The following SAMSN1 variants were observed in gnomAD, a reference collection of about 807,000 sequenced individuals.
SAMSN1 encodes the protein SAM domain-containing protein SAMSN-1.
SAMSN1 carries 31 observed loss-of-function variants against 42.0 expected under a neutral mutation model. The observed-to-expected ratio is 0.74, with a 90% confidence interval of 0.55 to 1.00. The LOEUF is 1.00. SAMSN1 is among the 50% of genes least tolerant of loss of function. The pLI is 0.00. For synonymous variants in SAMSN1, 178 were observed against 151.9 expected (o/e 1.17, Z -1.26); for missense variants, 464 against 439.4 (o/e 1.06, Z -0.50).
chr21:14,623,569 GAACT>G (rs1983076405), intron 2 of SAMSN1, among the ~76,000 whole-genome samples: 3 of 152,268 alleles, frequency 2.0e-5, no homozygotes, highest in East Asian at 1.9e-4. Flanking sequence ...TCAACAAGAA[GAACT>G]AACTATCCTA....
At chr21:14,559,907 A>G (rs2123195684) in intron 2 of SAMSN1, among the ~76,000 whole-genome samples, 1 of 152,290 alleles carries the variant, frequency 6.6e-6, no homozygotes, top group East Asian at 1.9e-4. Flanking sequence ...CATTCTTGTT[A>G]TGCTGCAAGA....
intron 1 of SAMSN1, among the ~76,000 whole-genome samples, chr21:14,540,267 G>A (rs1367492792): frequency 6.6e-6 from 1 of 152,148 alleles, no homozygotes; most frequent in East Asian, 1.9e-4. Context: ...AAAAGCAATG[G>A]CAACAAAAGC....
intron 3 of SAMSN1, among the ~76,000 whole-genome samples, chr21:14,516,494 C>T (rs553746812): frequency 1.0e-3 from 156 of 152,208 alleles, no homozygotes; most frequent in Non-Finnish European, 1.8e-3. Flanking sequence ...CGGGTTCAAG[C>T]GATTCTCCTT....
intron 7 of SAMSN1, among the ~76,000 whole-genome samples, chr21:14,489,865 T>A (rs1986607838): frequency 6.6e-6 from 1 of 152,126 alleles, no homozygotes; most frequent in South Asian, 2.1e-4. Context: ...AGACGTCTAA[T>A]ATAATTATTC....
At position 14,615,242 on chromosome 21, in the gene SAMSN1, T is replaced by C. The variant is rs376692240; in HGVS notation, c.197+734A>G. The stretch of plus-strand genomic sequence containing the variant: ...GCCTGACAGGTCCCTAAGCTGTTAA[T>C]CACCCAATTACCTACTTACTATGGA... On this transcript the variant is annotated intron_variant, in intron 3 of 15. Coordinates refer to the SAMSN1 transcript ENST00000647101. Among the ~76,000 whole-genome samples, 6 of 152,048 alleles carry C rather than the reference T, an allele frequency of 3.9e-5. No homozygotes were observed. In the South Asian group the frequency reaches 1.2e-3, roughly 32 times the overall value.
intron 2 of SAMSN1, among the ~76,000 whole-genome samples, chr21:14,616,225 T>A (rs1403815624): frequency 5.3e-5 from 8 of 152,148 alleles, no homozygotes; most frequent in African/African-American, 1.9e-4. Context: ...TTAACTTTTT[T>A]TTCCCTTTTG....
Position 14,516,969 on chromosome 21 carries a change from T to TA in SAMSN1, c.201dup (p.Lys68Ter). On this transcript the variant is annotated frameshift_variant, in exon 3 of 8. Transcript: ENST00000400566. LOFTEE classifies it high-confidence loss of function. ...GTCCATGAAATAGCTCTCATTTTTT[T>TA]ACCCAAACCGCCTCCATTATTTGAA... The TA allele has an allele frequency of 6.2e-7, 1 of 1,613,618 alleles. No homozygotes were observed. Among genetic ancestry groups the TA allele is most frequent in the South Asian group, 1.1e-5 (1 of 91,008 alleles).
chr21:14,485,850 G>A lies in SAMSN1; in HGVS notation c.*62C>T, dbSNP rs28470776. 2,922 of 1,271,592 alleles carry A rather than the reference G, an allele frequency of 2.3e-3. 49 individuals are homozygous for A. In the African/African-American group the frequency reaches 0.039, roughly 17 times the overall value. 78.8% of individuals were successfully genotyped at this position (1,271,592 alleles called of 1,614,324 possible). A position where few individuals can be genotyped will look rare whatever the true frequency, so the allele number is the denominator to read the frequency against. ...ATCTTATCTTCCTCTCCTATTTGAC[G>A]TTTTAGCTCAAGAAGAGTTAAAATG... On this transcript the variant is annotated 3_prime_UTR_variant, in exon 8 of 8. Coordinates refer to ENST00000400566, the MANE Select transcript of SAMSN1 (RefSeq NM_022136.5).
Position 14,604,425 on chromosome 21 carries a change from G to A in SAMSN1, c.323-2326C>T, listed in dbSNP as rs1600958347. Among the ~76,000 whole-genome samples, 5 of 152,250 alleles carry A rather than the reference G, an allele frequency of 3.3e-5. No homozygotes were observed. In the South Asian group the frequency reaches 6.2e-4, roughly 19 times the overall value. ...TGACTTCCAAGGTTAGGTTAAAGAA[G>A]CCTTGTATAAGCCGGGGGCAGTGGA... On this transcript the variant is annotated intron_variant, in intron 5 of 15. Transcript: ENST00000647101.
At chr21:14,657,457 G>A (rs753808997) in intron 1 of SAMSN1, among the ~76,000 whole-genome samples, 3 of 151,722 alleles carry the variant, frequency 2.0e-5, no homozygotes, top group Non-Finnish European at 2.9e-5. Context: ...CTCATTATAT[G>A]GTTATATGTC....
chr21:14,645,808 A>G (rs1158268926), intron 1 of SAMSN1, among the ~76,000 whole-genome samples: 1 of 152,242 alleles, frequency 6.6e-6, no homozygotes, highest in Admixed American at 6.5e-5. Flanking sequence ...ATTAACAAAT[A>G]AACTGAAATG....
intron 6 of SAMSN1, among the ~76,000 whole-genome samples, chr21:14,596,498 G>A (rs1600953405): frequency 6.6e-6 from 1 of 152,258 alleles, no homozygotes. Context: ...CTCACCCTTA[G>A]TGTGAGCTGG....
intron 1 of SAMSN1, among the ~76,000 whole-genome samples, chr21:14,530,667 T>G (rs1979211328): frequency 6.6e-6 from 1 of 152,210 alleles, no homozygotes; most frequent in African/African-American, 2.4e-5. Flanking sequence ...GGTCGATGTT[T>G]CATGAAGAGC....
intron 1 of SAMSN1, among the ~76,000 whole-genome samples, chr21:14,651,092 C>A (rs553593943): frequency 6.6e-6 from 1 of 152,090 alleles, no homozygotes; most frequent in South Asian, 2.1e-4. Context: ...CTGAATTCTA[C>A]CAAACCTTTA....
intron 6 of SAMSN1, among the ~76,000 whole-genome samples, chr21:14,594,474 T>C (rs556511468): frequency 6.6e-6 from 1 of 152,248 alleles, no homozygotes; most frequent in African/African-American, 2.4e-5. Context: ...CCCACTCTAA[T>C]CCCTTAGTGC....
chr21:14,617,872 A>C (rs1170408956), intron 2 of SAMSN1, among the ~76,000 whole-genome samples: 1 of 152,254 alleles, frequency 6.6e-6, no homozygotes, highest in East Asian at 1.9e-4. Context: ...TTTGGAAAGA[A>C]GATGTATTAC....
chr21:14,567,647 G>A (rs1410310966), intron 2 of SAMSN1, among the ~76,000 whole-genome samples: 1 of 152,098 alleles, frequency 6.6e-6, no homozygotes, highest in African/African-American at 2.4e-5. Flanking sequence ...GCATTACCAA[G>A]GGACACCCAG....
intron 1 of SAMSN1, among the ~76,000 whole-genome samples, chr21:14,647,611 A>C (rs1292572): frequency 0.74 from 91,773 of 123,374 alleles, 34,912 homozygotes; most frequent in Middle Eastern, 0.89. Flanking sequence ...ATTCTTCCTA[A>C]CCATGAGCAT....
At chr21:14,555,968 C>T (rs1457648284) in intron 2 of SAMSN1, among the ~76,000 whole-genome samples, 3 of 152,028 alleles carry the variant, frequency 2.0e-5, no homozygotes, top group African/African-American at 7.2e-5. Flanking sequence ...TACTTTATTC[C>T]CCAGAAGCAA....
Sources: allele counts gnomAD v4.1 joint callset (sites outside exome capture counted in the v4.1 genomes callset), GRCh38; gene constraint gnomAD v4.1.1; transcripts MANE v1.5; gene names NCBI Gene and HGNC (gene_info 2026-07-23, HGNC 2026-07-21).